L3HYPDH: variants seen among roughly 807,000 people sequenced by gnomAD.
L3HYPDH encodes the protein trans-L-3-hydroxyproline dehydratase, also known as trans-3-hydroxy-L-proline dehydratase.
Under a neutral mutation model 26.5 loss-of-function variants are expected in L3HYPDH, and 32 were observed. The ratio of observed to expected loss-of-function variants is 1.21; its 90% confidence interval spans 0.91 to 1.62. The LOEUF (loss-of-function observed/expected upper bound fraction) is 1.62, where lower values mean the gene tolerates loss of function less well. Among genes scored for constraint, L3HYPDH ranks in the 40% most tolerant of loss-of-function variants. The probability of loss-of-function intolerance (pLI) is 0.00; values close to 1 mark genes in which losing one functional copy is unlikely to be tolerated. For missense variants in L3HYPDH, 554 were observed against 476.4 expected, an observed-to-expected ratio of 1.16 and a Z score of -1.52; for synonymous variants, 215 against 196.6, an observed-to-expected ratio of 1.09 and a Z score of -0.78.
At chr14:59,503,225 T>C in the L3HYPDH span, among the ~76,000 whole-genome samples, 1 of 152,208 alleles carries the variant, frequency 6.6e-6, no homozygotes, top group African/African-American at 2.4e-5. Context: ...CTGGTTGAGT[T>C]GATGAGCTGT....
At chr14:59,479,621 C>G (rs1889874439) in intron 1 of L3HYPDH, among the ~76,000 whole-genome samples, 1 of 152,110 alleles carries the variant, frequency 6.6e-6, no homozygotes, top group Non-Finnish European at 1.5e-5. Flanking sequence ...ATTAACTTCC[C>G]TGAGGATCTT....
downstream of L3HYPDH, among the ~76,000 whole-genome samples, chr14:59,468,208 T>C (rs144956901): frequency 1.3e-5 from 2 of 152,340 alleles, no homozygotes; most frequent in African/African-American, 4.8e-5. Context: ...GGCAACATAG[T>C]GAGACCATGT....
the L3HYPDH span, among the ~76,000 whole-genome samples, chr14:59,492,128 G>C: frequency 1.3e-5 from 2 of 152,208 alleles, no homozygotes; most frequent in Admixed American, 1.3e-4. Context: ...ATATGTAACT[G>C]CTACCTATAA....
At position 59,484,356 on chromosome 14, in the gene L3HYPDH, G is replaced by A. The variant is rs778062036; in HGVS notation, c.-40C>T. On this transcript the variant is annotated 5_prime_UTR_variant, in exon 1 of 5. Transcript: ENST00000247194. ...GAGACGAGTACGGTCCCGCAGCTAT[G>A]GCTTCAAGCCCGACCCTCACCCACT... 8 of 1,544,756 alleles carry A rather than the reference G, an allele frequency of 5.2e-6. No homozygotes were observed. Among genetic ancestry groups the A allele is most frequent in the African/African-American group, 2.7e-5 (2 of 73,938 alleles).
chr14:59,502,773 T>TTTTTTTTTTTTG, the L3HYPDH span, among the ~76,000 whole-genome samples: 85 of 102,832 alleles, frequency 8.3e-4, 4 homozygotes, highest in African/African-American at 1.3e-3. Context: ...TTTTTTTTTT[T>TTTTTTTTTTTTG]CGGAGTCTCA....
chr14:59,479,100 A>G (rs377694660), intron 2 of L3HYPDH, 82 bp downstream of exon 2: 2 of 1,041,200 alleles, frequency 1.9e-6, no homozygotes, highest in Non-Finnish European at 2.8e-6. Flanking sequence ...ACATCATTTA[A>G]TTTTCTTTAT....
Position 59,478,928 on chromosome 14 carries a change from A to G in L3HYPDH, c.678+254T>C, listed in dbSNP as rs901528546. 7 of 355,330 alleles carry G rather than the reference A, an allele frequency of 2.0e-5. No homozygotes were observed. The South Asian group carries it at 5.8e-4, about 30-fold the overall frequency. 22.0% of individuals were successfully genotyped at this position (355,330 alleles called of 1,614,324 possible). ...GCTGATGAGCTAAAAAAAAATTGCA[A>G]AAAAACTCATAATGTTTTAAGAAAG... On this transcript the variant is annotated intron_variant, in intron 2 of 4. Coordinates refer to ENST00000247194, the MANE Select transcript of L3HYPDH (RefSeq NM_144581.2).
At chr14:59,499,150 A>C in the L3HYPDH span, among the ~76,000 whole-genome samples, 3 of 149,184 alleles carry the variant, frequency 2.0e-5, no homozygotes, top group African/African-American at 7.5e-5. Flanking sequence ...CAGCCTCCCA[A>C]GTAGCTGGGA....
intron 1 of L3HYPDH, among the ~76,000 whole-genome samples, chr14:59,483,210 T>C (rs755755529): frequency 1.2e-4 from 18 of 152,336 alleles, no homozygotes; most frequent in South Asian, 4.1e-4. Flanking sequence ...ATTAAGTAAT[T>C]TGCCTAAGGT....
At chr14:59,484,859 G>C (rs957378822), upstream of L3HYPDH, 35 of 1,152,990 alleles carry the variant, frequency 3.0e-5, no homozygotes, top group Non-Finnish European at 4.0e-5. Flanking sequence ...CAGTCCCTTA[G>C]TTTAATGTCG....
upstream of L3HYPDH, chr14:59,484,913 G>C: frequency 7.0e-7 from 1 of 1,436,014 alleles, no homozygotes; most frequent in Non-Finnish European, 9.1e-7. Context: ...TGAAAACGCG[G>C]GTGATAGTGC....
intron 2 of L3HYPDH, among the ~76,000 whole-genome samples, chr14:59,477,753 T>C (rs1889737187): frequency 6.6e-6 from 1 of 152,238 alleles, no homozygotes; most frequent in African/African-American, 2.4e-5. Flanking sequence ...ACAGTGTATA[T>C]TCTCATTTTA....
chr14:59,495,063 C>CA, the L3HYPDH span: 1 of 1,613,848 alleles, frequency 6.2e-7, no homozygotes, highest in Non-Finnish European at 8.5e-7. Context: ...TTGAATGCAG[C>CA]ATGGCAGCTA....
the L3HYPDH span, chr14:59,504,265 C>T: frequency 1.7e-6 from 1 of 586,714 alleles, no homozygotes; most frequent in Non-Finnish European, 3.0e-6. Flanking sequence ...CTGTAATACT[C>T]TGTTACACAG....
chr14:59,467,172 C>T (rs567343225), intron 1 of L3HYPDH, among the ~76,000 whole-genome samples: 97 of 103,760 alleles, frequency 9.3e-4, no homozygotes, highest in African/African-American at 4.0e-3. Context: ...TATTTGTCTT[C>T]CTGACAAAGA....
chr14:59,475,452 GAA>G (rs59671141), intron 4 of L3HYPDH, among the ~76,000 whole-genome samples: 2 of 152,172 alleles, frequency 1.3e-5, no homozygotes, highest in East Asian at 3.9e-4. Context: ...AAAATTATGA[GAA>G]AAGTGGCATT....
the L3HYPDH span, chr14:59,503,798 C>A: frequency 9.8e-7 from 1 of 1,022,958 alleles, no homozygotes; most frequent in Non-Finnish European, 1.5e-6. Context: ...AATTACCCAG[C>A]TGACTTAGCC....
chr14:59,501,397 G>A, the L3HYPDH span: 2 of 596,478 alleles, frequency 3.4e-6, no homozygotes, highest in Non-Finnish European at 5.7e-6. Context: ...GATGCCACTT[G>A]GTAGCTTTTG....
intron 1 of L3HYPDH, among the ~76,000 whole-genome samples, chr14:59,482,851 G>C (rs772909444): frequency 6.6e-6 from 1 of 152,062 alleles, no homozygotes; most frequent in Non-Finnish European, 1.5e-5. Flanking sequence ...TCTATTCCTG[G>C]TAAACTGGCT....
Sources: gnomAD v4.1 joint callset for allele counts (sites outside exome capture counted in the v4.1 genomes callset) on GRCh38, gnomAD v4.1.1 for gene constraint, MANE v1.5 for transcripts, NCBI Gene and HGNC (gene_info 2026-07-23, HGNC 2026-07-21) for gene names.